The following GCDH variants were observed in gnomAD, a reference collection of about 807,000 sequenced individuals.
GCDH encodes the protein glutaryl-CoA dehydrogenase, mitochondrial.
Under a neutral mutation model 52.8 loss-of-function variants are expected in GCDH, and 31 were observed. That is an observed-to-expected ratio of 0.59 (90% CI 0.44 to 0.79). GCDH has a LOEUF of 0.79. Among genes scored for constraint, GCDH ranks in the 30% least tolerant of loss-of-function variants. The probability of loss-of-function intolerance (pLI) is 0.00; values close to 1 mark genes in which losing one functional copy is unlikely to be tolerated. For missense variants in GCDH, 509 were observed against 595.0 expected, an observed-to-expected ratio of 0.86 and a Z score of 1.50; for synonymous variants, 242 against 250.0, an observed-to-expected ratio of 0.97 and a Z score of 0.30.
intron 9 of GCDH, 77 bp from the exon 10 acceptor site, chr19:12,897,226 G>A: frequency 6.3e-7 from 1 of 1,590,894 alleles, no homozygotes; most frequent in South Asian, 1.1e-5. Context: ...AGGCGTCCTG[G>A]AGCAGGGGGC....
Position 12,899,585 on chromosome 19 carries a change from G to C in GCDH, c.*44G>C, listed in dbSNP as rs758017856. The C allele has an allele frequency of 6.2e-7, 1 of 1,613,820 alleles. No individual in the cohort carries two copies. The highest frequency in any genetic ancestry group is 8.5e-7 in the Non-Finnish European group (1 of 1,179,944). ...CGAAACTCTCAAGCCCCTTTCTGGA[G>C]AGATGCCTGGCTGGACCGTAGGAGC... On this transcript the variant is annotated 3_prime_UTR_variant, in exon 12 of 12. Coordinates refer to ENST00000222214, the MANE Select transcript of GCDH (RefSeq NM_000159.4).
At chr19:12,898,395 C>T (rs1284014529) in intron 11 of GCDH, 2 of 165,596 alleles carry the variant, frequency 1.2e-5, no homozygotes, top group Non-Finnish European at 2.6e-5. Context: ...CCAGCATGCG[C>T]TATGTAGAAA....
At chr19:12,894,724 G>T in intron 6 of GCDH, 2 of 806,828 alleles carry the variant, frequency 2.5e-6, no homozygotes, top group Non-Finnish European at 2.0e-6. Flanking sequence ...TGAAGCAGCC[G>T]CATATTAAGA....
chr19:12,895,760 C>T (rs1323902991), intron 6 of GCDH, among the ~76,000 whole-genome samples: 1 of 149,310 alleles, frequency 6.7e-6, no homozygotes, highest in Non-Finnish European at 1.5e-5. Context: ...TACAGGCACC[C>T]ACCACCACAT....
rs779227372 is a variant in GCDH, at chr19:12,899,977, G to A, written c.*436G>A. 76 of 1,612,814 alleles carry A rather than the reference G, an allele frequency of 4.7e-5. 2 individuals carry two copies. The Admixed American group carries it at 1.2e-3, about 26-fold the overall frequency. ...AAAGACCTGCACATCTGACCCCAAG[G>A]TGTCAGGCCGGTTTACTGGTAACCA... On this transcript the variant is annotated 3_prime_UTR_variant, in exon 12 of 12. Coordinates refer to ENST00000222214, the MANE Select transcript of GCDH (RefSeq NM_000159.4).
intron 11 of GCDH, 127 bp from the exon 12 acceptor site, chr19:12,899,341 T>A (rs1970776655): frequency 1.2e-6 from 2 of 1,613,736 alleles, no homozygotes; most frequent in Non-Finnish European, 1.7e-6. Context: ...CCGGCAGCTG[T>A]CAGCATTCAC....
Position 12,896,810 on chromosome 19 carries a change from G to A in GCDH, c.853-100G>A. On this transcript the variant is annotated intron_variant, in intron 8 of 11. Coordinates refer to ENST00000222214, the MANE Select transcript of GCDH (RefSeq NM_000159.4). The surrounding 1 kb of genome is among the most constrained non-coding windows in gnomAD (Gnocchi z 5.5). ...ACCACAACCTGAGTCCCCCTGCGTG[G>A]GGTGGCTGGGGAGGAGGCTTTCCCT... is the stretch of plus-strand genomic sequence containing the variant. 1 of 809,620 alleles carries A rather than the reference G, an allele frequency of 1.2e-6. No individual in the cohort carries two copies. Among genetic ancestry groups the A allele is most frequent in the Non-Finnish European group, 2.1e-6 (1 of 471,480 alleles). The allele number at this position is 809,620 out of a possible 1,614,324, so 50.2% of individuals were successfully genotyped here.
intron 9 of GCDH, 101 bp downstream of exon 9, chr19:12,897,114 A>T (rs970592155): frequency 2.0e-5 from 24 of 1,196,040 alleles, no homozygotes; most frequent in Non-Finnish European, 2.8e-5. Flanking sequence ...ACCAGGCCTG[A>T]GTTCCTTGCT....
At chr19:12,894,477 A>G (rs944489006) in intron 6 of GCDH, 4 of 732,048 alleles carry the variant, frequency 5.5e-6, no homozygotes, top group African/African-American at 3.5e-5. Context: ...TTATTGTAAA[A>G]AAAAGGAGAG....
At chr19:12,893,745 C>A in intron 6 of GCDH, 92 bp downstream of exon 6, 2 of 1,219,480 alleles carry the variant, frequency 1.6e-6, no homozygotes, top group Non-Finnish European at 2.4e-6. Flanking sequence ...CTATTCTGTC[C>A]CTATCTCAAA....
At chr19:12,893,829 G>C (rs1970614136) in intron 6 of GCDH, 176 bp downstream of exon 6, 1 of 685,928 alleles carries the variant, frequency 1.5e-6, no homozygotes, top group South Asian at 1.6e-5. Flanking sequence ...TGGCCAGCCT[G>C]ACTGTCCCCC....
At position 12,899,688 on chromosome 19, in the gene GCDH, T is replaced by G; in HGVS notation, c.*147T>G. ...ACACTGATTTTTAAATATCAAAATT[T>G]CCCTTCTGAAGTCGTTCAGATGTGT... On this transcript the variant is annotated 3_prime_UTR_variant, in exon 12 of 12. Transcript: ENST00000222214. The G allele has an allele frequency of 6.2e-7, 1 of 1,612,392 alleles. No individual in the cohort carries two copies. Among genetic ancestry groups the G allele is most frequent in the Non-Finnish European group, 8.5e-7 (1 of 1,179,254 alleles).
intron 3 of GCDH, 40 bp downstream of exon 3, chr19:12,891,562 T>A: frequency 1.2e-6 from 2 of 1,614,114 alleles, no homozygotes; most frequent in Non-Finnish European, 1.7e-6. Flanking sequence ...GCTGCCCCTG[T>A]TCAGCTGTCT....
chr19:12,893,850 C>T (rs931132065), intron 6 of GCDH, 197 bp downstream of exon 6: 4 of 655,532 alleles, frequency 6.1e-6, no homozygotes, highest in Non-Finnish European at 1.1e-5. Flanking sequence ...TCTGTGACCA[C>T]CGTCATCTCC....
intron 6 of GCDH, 26 bp from the exon 7 acceptor site, chr19:12,895,966 C>T: frequency 6.2e-7 from 1 of 1,613,594 alleles, no homozygotes; most frequent in Non-Finnish European, 8.5e-7. Flanking sequence ...ACCAGGCAGC[C>T]TTGTGACTTT....
chr19:12,895,108 C>T (rs1970644582), intron 6 of GCDH, among the ~76,000 whole-genome samples: 1 of 152,074 alleles, frequency 6.6e-6, no homozygotes, highest in South Asian at 2.1e-4. Flanking sequence ...TGCTTAACTC[C>T]TCACACCCTT....
At position 12,897,361 on chromosome 19, in the gene GCDH, A is replaced by G. The variant is rs752234195; in HGVS notation, c.1015A>G (p.Met339Val). 5.0e-6 allele frequency: 8 copies of G among 1,613,518 alleles called. No individual in the cohort carries two copies. The highest frequency in any genetic ancestry group is 1.3e-5 in the African/African-American group (1 of 74,848). Residue 339 changes from methionine (M) to valine (V), a missense_variant, in exon 10 of 12, where the codon ATG (methionine) becomes GTG (valine). Coordinates refer to ENST00000222214, the MANE Select transcript of GCDH (RefSeq NM_000159.4). ...NQLIQKKLADMLTEITLGLHA... is the reference protein window; with the variant it reads ...NQLIQKKLADVLTEITLGLHA... The stretch of plus-strand genomic sequence containing the variant: ...GCTGATTCAGAAGAAGCTGGCAGAC[A>G]TGCTCACTGAGATTACCCTGGGCCT...
Position 12,896,581 on chromosome 19 carries a change from A to G in GCDH, c.852+160A>G, listed in dbSNP as rs2145952086. The stretch of plus-strand genomic sequence containing the variant: ...CGCTGACGTGCTGAAAACTGCCCCC[A>G]TTTGGTGACCGTCTCGCTCATCCCG... On this transcript the variant is annotated intron_variant, in intron 8 of 11. Transcript: ENST00000222214. This position sits in a 1 kb window ranked among gnomAD's most constrained non-coding sequence, Gnocchi z 5.5. Among the ~76,000 whole-genome samples, 1 of 152,250 alleles carries G rather than the reference A, an allele frequency of 6.6e-6. No individual in the cohort carries two copies. The highest frequency in any genetic ancestry group is 2.1e-4 in the South Asian group (1 of 4,826).
At position 12,893,578 on chromosome 19, in the gene GCDH, C is replaced by T; in HGVS notation, c.430C>T (p.Gln144Ter). ...DSGYRSAMSV[Q>*]SSLVMHPIYA... ...TGGCTACAGGTCGGCGATGAGTGTC[C>T]AGTCCTCCCTCGTCATGCACCCTAT... Residue 144 changes from glutamine (Q) to a stop codon, truncating the protein, a stop_gained, in exon 6 of 12, where the codon CAG (glutamine) becomes TAG (stop). Transcript: ENST00000222214. LOFTEE classifies it high-confidence loss of function. 1 of 1,613,944 alleles carries T rather than the reference C, an allele frequency of 6.2e-7. No homozygotes were observed. The highest frequency in any genetic ancestry group is 8.5e-7 in the Non-Finnish European group (1 of 1,179,842).
Sources: allele counts gnomAD v4.1 joint callset (sites outside exome capture counted in the v4.1 genomes callset), GRCh38; gene constraint gnomAD v4.1.1; non-coding constraint Gnocchi (gnomAD v3.1); transcripts MANE v1.5; gene names NCBI Gene and HGNC (gene_info 2026-07-23, HGNC 2026-07-21).